Variants in DLG2 observed in about 807,000 individuals in gnomAD.
DLG2 encodes discs large MAGUK scaffold protein 2, also known as disks large homolog 2.
DLG2 carries 45 observed loss-of-function variants against 132.5 expected under a neutral mutation model. That is an observed-to-expected ratio of 0.34 (90% CI 0.27 to 0.44). The LOEUF (loss-of-function observed/expected upper bound fraction) is 0.44. Ranked by LOEUF, DLG2 falls within the 20% of genes least tolerant of loss-of-function variation. The pLI is 1.00. For synonymous variants in DLG2, 424 were observed against 419.6 expected, an observed-to-expected ratio of 1.01 and a Z score of -0.13; for missense variants, 1,045 against 1,196.9, an observed-to-expected ratio of 0.87 and a Z score of 1.87.
intron 18 of DLG2, among the ~76,000 whole-genome samples, chr11:83,726,042 G>A (rs1486531647): frequency 2.0e-5 from 3 of 152,050 alleles, no homozygotes; most frequent in African/African-American, 7.2e-5. Flanking sequence ...GGAAAAAAAA[G>A]TCCCTCAAAT....
chr11:84,983,983 T>G (rs527389728), intron 6 of DLG2, among the ~76,000 whole-genome samples: 73 of 152,180 alleles, frequency 4.8e-4, no homozygotes, highest in African/African-American at 1.7e-3. Flanking sequence ...CTCCAAGAAG[T>G]CTAGGATTAT....
At chr11:83,791,632 C>A in intron 17 of DLG2, 1 of 359,460 alleles carries the variant, frequency 2.8e-6, no homozygotes, top group Admixed American at 4.3e-5. Context: ...TCACTTCTGG[C>A]ATGATGGAAT....
chr11:84,505,437 T>C (rs2099236347), intron 7 of DLG2, among the ~76,000 whole-genome samples: 1 of 152,178 alleles, frequency 6.6e-6, no homozygotes, highest in South Asian at 2.1e-4. Context: ...TTAAGTAATA[T>C]ATTTGGGACT....
intron 21 of DLG2, among the ~76,000 whole-genome samples, chr11:83,506,455 C>T (rs2094703944): frequency 6.6e-6 from 1 of 152,190 alleles, no homozygotes; most frequent in Non-Finnish European, 1.5e-5. Flanking sequence ...TCATGGGTCA[C>T]ACTCTCAACC....
intron 19 of DLG2, among the ~76,000 whole-genome samples, chr11:83,604,153 G>A (rs1489778291): frequency 6.6e-6 from 1 of 152,128 alleles, no homozygotes; most frequent in Non-Finnish European, 1.5e-5. Context: ...AAAACAAAAA[G>A]ACAGCACTGT....
intron 6 of DLG2, among the ~76,000 whole-genome samples, chr11:84,918,513 T>C (rs2092602436): frequency 6.6e-6 from 1 of 152,078 alleles, no homozygotes; most frequent in Non-Finnish European, 1.5e-5. Context: ...CTCTAGAAAA[T>C]GATCGGGGCA....
At chr11:84,667,358 A>G (rs1478655329) in intron 6 of DLG2, among the ~76,000 whole-genome samples, 3 of 152,128 alleles carry the variant, frequency 2.0e-5, no homozygotes, top group Non-Finnish European at 4.4e-5. Flanking sequence ...ATAATCACAA[A>G]TATTAAAAAT....
chr11:84,982,952 C>A (rs575008628), intron 6 of DLG2, among the ~76,000 whole-genome samples: 5 of 152,224 alleles, frequency 3.3e-5, no homozygotes, highest in African/African-American at 4.8e-5. Context: ...CTAAGGAAAA[C>A]CTACAGATAA....
chr11:83,564,112 T>TC (rs1171617151), intron 19 of DLG2, among the ~76,000 whole-genome samples: 2 of 151,980 alleles, frequency 1.3e-5, no homozygotes, highest in African/African-American at 4.8e-5. Context: ...GTTTTTTTTT[T>TC]TGTTTTCTAT....
At chr11:85,612,464 G>A (rs546174543) in intron 2 of DLG2, among the ~76,000 whole-genome samples, 3 of 152,290 alleles carry the variant, frequency 2.0e-5, no homozygotes, top group Admixed American at 6.5e-5. Flanking sequence ...CCTAATAATT[G>A]GTCTGCTCAA....
intron 7 of DLG2, chr11:84,316,700 G>T: frequency 9.4e-7 from 1 of 1,063,992 alleles, no homozygotes; most frequent in Non-Finnish European, 1.3e-6. Flanking sequence ...GTTTTTCTTG[G>T]CCTAATATTT....
At chr11:84,968,661 A>C (rs978882200) in intron 6 of DLG2, among the ~76,000 whole-genome samples, 1 of 152,196 alleles carries the variant, frequency 6.6e-6, no homozygotes, top group African/African-American at 2.4e-5. Context: ...AGAATTTTAT[A>C]CATGTTAAAA....
intron 3 of DLG2, among the ~76,000 whole-genome samples, chr11:85,477,108 A>G (rs2093166531): frequency 6.6e-6 from 1 of 152,144 alleles, no homozygotes; most frequent in Admixed American, 6.5e-5. Context: ...CATTATAATC[A>G]TATGGGACCA....
intron 6 of DLG2, among the ~76,000 whole-genome samples, chr11:84,811,932 G>A (rs566573961): frequency 6.6e-6 from 1 of 152,236 alleles, no homozygotes; most frequent in South Asian, 2.1e-4. Context: ...AAGATACAGT[G>A]AGTGGGGAAC....
rs1369818684 is a variant in DLG2 at position 84,534,761 on chromosome 11, T to A, written c.358-30A>T. On this transcript the variant is annotated intron_variant, in intron 6 of 27. Transcript: ENST00000376104. The stretch of plus-strand genomic sequence containing the variant: ...GAGAAAAGAAAAGAAAGGACAAGTA[T>A]GTATATATCAGTGTTTGTAAAGGAT... 7 of 1,609,164 alleles carry A rather than the reference T, an allele frequency of 4.4e-6. 1 individual carries two copies. Among genetic ancestry groups the A allele is most frequent in the Non-Finnish European group, 6.0e-6 (7 of 1,175,694 alleles).
intron 11 of DLG2, among the ~76,000 whole-genome samples, chr11:84,028,657 G>A (rs1227814788): frequency 6.6e-6 from 1 of 151,976 alleles, no homozygotes; most frequent in Non-Finnish European, 1.5e-5. Context: ...CCTTACCATG[G>A]CCTCCTGCCT....
intron 6 of DLG2, among the ~76,000 whole-genome samples, chr11:84,706,725 A>AAGGGAGGG (rs1382910137): frequency 6.7e-6 from 1 of 149,796 alleles, no homozygotes; most frequent in Non-Finnish European, 1.5e-5. Context: ...GAAAGGAAGG[A>AAGGGAGGG]AGGGAGGGAG....
intron 17 of DLG2, among the ~76,000 whole-genome samples, chr11:83,809,085 A>G (rs2046631048): frequency 6.6e-6 from 1 of 151,926 alleles, no homozygotes; most frequent in Non-Finnish European, 1.5e-5. Context: ...TGGTTGATTT[A>G]TCGTGCTTTA....
chr11:84,814,810 C>T (rs558422394), intron 6 of DLG2, among the ~76,000 whole-genome samples: 1 of 152,212 alleles, frequency 6.6e-6, no homozygotes, highest in African/African-American at 2.4e-5. Context: ...TCATTACACT[C>T]ACACTGTCGT....
Sources: gnomAD v4.1 joint callset for allele counts (sites outside exome capture counted in the v4.1 genomes callset) on GRCh38, gnomAD v4.1.1 for gene constraint, MANE v1.5 for transcripts, NCBI Gene and HGNC (gene_info 2026-07-23, HGNC 2026-07-21) for gene names.